The following ARHGAP24 variants were observed in gnomAD, a reference collection of about 807,000 sequenced individuals.
ARHGAP24 encodes rho GTPase-activating protein 24.
In ARHGAP24, 50 loss-of-function variants were observed where a neutral mutation model predicts 76.4. The ratio of observed to expected loss-of-function variants is 0.65; its 90% confidence interval spans 0.52 to 0.83. The LOEUF is 0.83. Among genes scored for constraint, ARHGAP24 ranks in the 40% least tolerant of loss-of-function variants. The pLI is 0.00. For missense variants in ARHGAP24, 930 were observed against 914.2 expected, an observed-to-expected ratio of 1.02 and a Z score of -0.22; for synonymous variants, 345 against 323.3, an observed-to-expected ratio of 1.07 and a Z score of -0.72.
At chr4:85,768,724 C>T (rs1282229753) in intron 3 of ARHGAP24, among the ~76,000 whole-genome samples, 2 of 152,192 alleles carry the variant, frequency 1.3e-5, no homozygotes, top group East Asian at 3.9e-4. Flanking sequence ...TTGCAGTGAG[C>T]TGAGATCGTG....
chr4:85,517,149 G>T (rs1029721852), intron 1 of ARHGAP24, among the ~76,000 whole-genome samples: 4 of 152,114 alleles, frequency 2.6e-5, no homozygotes, highest in Non-Finnish European at 4.4e-5. Context: ...TGTGTCAGTG[G>T]CTCACTGTTT....
chr4:85,781,283 A>G (rs1727542924), intron 3 of ARHGAP24, among the ~76,000 whole-genome samples: 2 of 152,340 alleles, frequency 1.3e-5, no homozygotes, highest in South Asian at 4.1e-4. Context: ...AGCACAATAT[A>G]TGACAATATG....
chr4:85,549,753 C>T (rs926629848), intron 1 of ARHGAP24, among the ~76,000 whole-genome samples: 1 of 152,148 alleles, frequency 6.6e-6, no homozygotes, highest in African/African-American at 2.4e-5. Flanking sequence ...GATCCTTATG[C>T]TGCTCCCTCC....
intron 2 of ARHGAP24, among the ~76,000 whole-genome samples, chr4:85,624,696 GTGGTCCTGGACTTTTTT>G (rs1163723400): frequency 1.1e-4 from 16 of 149,708 alleles, no homozygotes; most frequent in African/African-American, 3.4e-4. Flanking sequence ...GTAGAATTCA[GTGGTCCTGGACTTTTTT>G]TGGTTGGTAA....
Position 85,985,797 on chromosome 4 carries a change from T to G in ARHGAP24, c.928+8106T>G, listed in dbSNP as rs550950416. On this transcript the variant is annotated intron_variant, in intron 8 of 9. Transcript: ENST00000395184. ...AATCATTTGCTGTGCATTTTATACA[T>G]GCACAATTACAATTCAATCAAATAT... Among the ~76,000 whole-genome samples, 3 of 152,324 alleles carry G rather than the reference T, an allele frequency of 2.0e-5. No homozygotes were observed. The East Asian group carries it at 5.8e-4, about 29-fold the overall frequency.
rs996576845 is a variant in ARHGAP24, at chr4:85,535,229, T to G, written c.-20-35293T>G. On this transcript the variant is annotated intron_variant, in intron 1 of 9. Coordinates refer to ENST00000395184, the MANE Select transcript of ARHGAP24 (RefSeq NM_001025616.3). ...ACCTTTTTTGTTAAAGAAAAGAAAG[T>G]TTTTTAAAAAGCTGGAGTCAAAGTG... is the stretch of plus-strand genomic sequence containing the variant. 2.0e-5 allele frequency among the ~76,000 whole-genome samples: 3 copies of G among 152,072 alleles called. No individual in the cohort carries two copies. The East Asian group carries it at 5.8e-4, about 29-fold the overall frequency.
At position 85,663,049 on chromosome 4, in the gene ARHGAP24, C is replaced by G. The variant is rs893567633; in HGVS notation, c.181-58836C>G. Among the ~76,000 whole-genome samples, 20 of 151,998 alleles carry G rather than the reference C, an allele frequency of 1.3e-4. 1 individual carries two copies. The highest frequency in any genetic ancestry group is 5.2e-4 in the Admixed American group (8 of 15,244). ...CTTTAAAGTAGTTTTTTCCAATTCT[C>G]TAAAGAAAGTCATTGGTAGCTTGAT... On this transcript the variant is annotated intron_variant, in intron 2 of 9. Coordinates refer to ENST00000395184, the MANE Select transcript of ARHGAP24 (RefSeq NM_001025616.3).
At chr4:85,595,258 A>G (rs1233656305) in intron 2 of ARHGAP24, among the ~76,000 whole-genome samples, 1 of 152,106 alleles carries the variant, frequency 6.6e-6, no homozygotes, top group Non-Finnish European at 1.5e-5. Context: ...GCAGAGACCC[A>G]GTAGAAGTTC....
intron 5 of ARHGAP24, among the ~76,000 whole-genome samples, chr4:85,962,307 A>C (rs565361185): frequency 4.1e-4 from 62 of 152,228 alleles, no homozygotes; most frequent in African/African-American, 1.4e-3. Flanking sequence ...CCAGCTTAGC[A>C]AAAAATCAAA....
chr4:85,712,386 C>T (rs1259818967), intron 2 of ARHGAP24, among the ~76,000 whole-genome samples: 1 of 152,164 alleles, frequency 6.6e-6, no homozygotes, highest in Non-Finnish European at 1.5e-5. Context: ...TTTAAAACCC[C>T]AGCTGTTTAC....
intron 2 of ARHGAP24, among the ~76,000 whole-genome samples, chr4:85,624,104 T>C (rs937351037): frequency 8.5e-5 from 13 of 152,132 alleles, no homozygotes; most frequent in African/African-American, 2.4e-4. Flanking sequence ...ATTGCCCTGG[T>C]AAGAACTTCC....
chr4:85,732,977 C>A (rs537758555), intron 3 of ARHGAP24, among the ~76,000 whole-genome samples: 1 of 149,722 alleles, frequency 6.7e-6, no homozygotes, highest in Non-Finnish European at 1.5e-5. Flanking sequence ...GAATTACAGG[C>A]GTGAGCCACC....
chr4:85,968,382 G>A (rs955203820), intron 5 of ARHGAP24, among the ~76,000 whole-genome samples: 1 of 152,062 alleles, frequency 6.6e-6, no homozygotes, highest in African/African-American at 2.4e-5. Flanking sequence ...CTTCACTTTG[G>A]TGAAGACTGA....
At chr4:85,837,826 T>C (rs1042519558) in intron 3 of ARHGAP24, among the ~76,000 whole-genome samples, 3 of 152,212 alleles carry the variant, frequency 2.0e-5, no homozygotes, top group Non-Finnish European at 4.4e-5. Context: ...TCAATCTTTG[T>C]AACTGATAAT....
chr4:85,977,577 G>A lies in ARHGAP24; in HGVS notation c.814G>A (p.Asp272Asn). 1 of 1,613,532 alleles carries A rather than the reference G, an allele frequency of 6.2e-7. No homozygotes were observed. Among genetic ancestry groups the A allele is most frequent in the Non-Finnish European group, 8.5e-7 (1 of 1,179,698 alleles). Residue 272 changes from aspartate to asparagine, a missense_variant, in exon 8 of 10, where the codon GAT becomes AAT. Transcript: ENST00000395184. ...TATGCTTATACTCCATAGATTCTTG[G>A]ATGAAGTACAGTCCTACTCGGGAGT... ...NLLKYICRFL[D>N]EVQSYSGVNK...
chr4:85,998,647 A>G (rs1394496404), intron 9 of ARHGAP24, among the ~76,000 whole-genome samples: 1 of 152,072 alleles, frequency 6.6e-6, no homozygotes, highest in Non-Finnish European at 1.5e-5. Context: ...TTCTATAATT[A>G]TCATTTTTGA....
chr4:85,721,193 C>T (rs918854106), intron 2 of ARHGAP24, among the ~76,000 whole-genome samples: 7 of 151,872 alleles, frequency 4.6e-5, no homozygotes, highest in African/African-American at 1.7e-4. Flanking sequence ...GTCAGGAGTT[C>T]GAGACTAGCC....
At chr4:85,699,885 T>G (rs899813415) in intron 2 of ARHGAP24, among the ~76,000 whole-genome samples, 1 of 152,152 alleles carries the variant, frequency 6.6e-6, no homozygotes, top group African/African-American at 2.4e-5. Flanking sequence ...TGGCCCATAG[T>G]AGGCATTTAA....
At chr4:85,800,651 T>C (rs1297051812) in intron 3 of ARHGAP24, among the ~76,000 whole-genome samples, 1 of 152,138 alleles carries the variant, frequency 6.6e-6, no homozygotes, top group African/African-American at 2.4e-5. Flanking sequence ...ACTTAATTAT[T>C]AGAATACAAA....
Sources: gnomAD v4.1 joint callset for allele counts (sites outside exome capture counted in the v4.1 genomes callset) on GRCh38, gnomAD v4.1.1 for gene constraint, MANE v1.5 for transcripts, NCBI Gene and HGNC (gene_info 2026-07-23, HGNC 2026-07-21) for gene names.